SPATA6: variants seen among roughly 807,000 people sequenced by gnomAD.
SPATA6 encodes the protein spermatogenesis associated 6.
In SPATA6, 56 loss-of-function variants were observed where a neutral mutation model predicts 65.3. That is an observed-to-expected ratio of 0.86 (90% CI 0.69 to 1.07). The LOEUF is 1.07. Among genes scored for constraint, SPATA6 ranks in the 50% least tolerant of loss-of-function variants. The pLI, the probability that SPATA6 is intolerant of heterozygous loss-of-function variation, is 0.00. For synonymous variants in SPATA6, 199 were observed against 213.2 expected, an observed-to-expected ratio of 0.93 and a Z score of 0.58; for missense variants, 590 against 594.8, an observed-to-expected ratio of 0.99 and a Z score of 0.08.
rs372874783 is a variant in SPATA6 at position 48,304,864 on chromosome 1, A to G, written c.1286+923T>C. ...GGGATGCTAATCCATGTAACAATTT[A>G]GGGAATATGCCTTTAATGAAAAATA... On this transcript the variant is annotated intron_variant, in intron 12 of 12. Transcript: ENST00000371847. Among the ~76,000 whole-genome samples, 11 of 152,356 alleles carry G rather than the reference A, an allele frequency of 7.2e-5. No individual in the cohort carries two copies. The South Asian group carries it at 1.4e-3, about 20-fold the overall frequency.
intron 11 of SPATA6, among the ~76,000 whole-genome samples, chr1:48,314,187 A>G (rs139797295): frequency 0.027 from 4,141 of 152,276 alleles, 111 homozygotes; most frequent in African/African-American, 0.07. Flanking sequence ...TGCACCAAGC[A>G]GACCTAATAG....
the SPATA6 span, among the ~76,000 whole-genome samples, chr1:48,273,051 C>G: frequency 5.6e-3 from 853 of 152,100 alleles, 12 homozygotes; most frequent in African/African-American, 0.019. Flanking sequence ...AATCTTTTTT[C>G]CTCATTCCGA....
chr1:48,312,322 G>T (rs1210277221), intron 11 of SPATA6, among the ~76,000 whole-genome samples: 4 of 151,868 alleles, frequency 2.6e-5, no homozygotes, highest in Non-Finnish European at 4.4e-5. Flanking sequence ...CCCCCAGTAG[G>T]GGCAGACTGA....
chr1:48,283,037 C>G, the SPATA6 span, among the ~76,000 whole-genome samples: 1 of 151,852 alleles, frequency 6.6e-6, no homozygotes, highest in African/African-American at 2.4e-5. Flanking sequence ...TTTGTAGGGA[C>G]GTGGGTGAAA....
At chr1:48,302,017 A>G (rs1157006237) in intron 12 of SPATA6, among the ~76,000 whole-genome samples, 1 of 152,170 alleles carries the variant, frequency 6.6e-6, no homozygotes. Flanking sequence ...TTTTTCATGT[A>G]TATGGGTCAT....
the SPATA6 span, among the ~76,000 whole-genome samples, chr1:48,273,348 A>T: frequency 4.6e-4 from 70 of 151,830 alleles, 1 homozygote; most frequent in East Asian, 0.013. Flanking sequence ...GCCAAACATC[A>T]TTTTTTTTAT....
intron 3 of SPATA6, among the ~76,000 whole-genome samples, chr1:48,445,980 T>C (rs1020038626): frequency 1.3e-5 from 2 of 152,102 alleles, no homozygotes; most frequent in African/African-American, 4.8e-5. Context: ...AATAAATACA[T>C]CACGCTAGGT....
At chr1:48,343,413 GATGA>G (rs1195085791) in intron 11 of SPATA6, among the ~76,000 whole-genome samples, 3 of 152,108 alleles carry the variant, frequency 2.0e-5, no homozygotes, top group African/African-American at 7.2e-5. Context: ...AAAATGAAGG[GATGA>G]ATGAACAATG....
intron 3 of SPATA6, among the ~76,000 whole-genome samples, chr1:48,433,212 A>G (rs528680627): frequency 2.3e-4 from 35 of 152,240 alleles, no homozygotes; most frequent in Middle Eastern, 3.4e-3. Context: ...GCATGGTGGT[A>G]ATGGGTGCAC....
chr1:48,300,378 A>G (rs1239593511), intron 12 of SPATA6, among the ~76,000 whole-genome samples: 1 of 152,186 alleles, frequency 6.6e-6, no homozygotes, highest in Non-Finnish European at 1.5e-5. Flanking sequence ...ACTATGAACA[A>G]ATACAAAACC....
chr1:48,369,196 G>A (rs1300185552), intron 9 of SPATA6, among the ~76,000 whole-genome samples: 2 of 152,182 alleles, frequency 1.3e-5, no homozygotes, highest in Non-Finnish European at 2.9e-5. Flanking sequence ...GTGTCAGTCT[G>A]CCCCTACTGG....
At chr1:48,448,260 C>CAAA (rs56675907) in intron 3 of SPATA6, among the ~76,000 whole-genome samples, 7 of 119,734 alleles carry the variant, frequency 5.8e-5, no homozygotes, top group African/African-American at 1.7e-4. Context: ...GATCCTGTCT[C>CAAA]AAAAAAAAAA....
intron 12 of SPATA6, among the ~76,000 whole-genome samples, chr1:48,304,160 C>T (rs569240769): frequency 1.6e-4 from 25 of 152,298 alleles, no homozygotes; most frequent in Admixed American, 7.8e-4. Context: ...ATATCCTAAT[C>T]ATTTCAATAG....
In SPATA6 at chr1:48,366,866, C is replaced by T. The variant is rs184643944; in HGVS notation, c.910-7096G>A. On this transcript the variant is annotated intron_variant, in intron 9 of 12. Transcript: ENST00000371847. Reference sequence around the variant, plus strand: ...TTGAATGTGTTTGCTCTTGCTTTTCCAGTTCTTTTAATTGTGATGTTAGGG... The same window carrying T: ...TTGAATGTGTTTGCTCTTGCTTTTCTAGTTCTTTTAATTGTGATGTTAGGG... Among the ~76,000 whole-genome samples, 837 of 151,938 alleles carry T rather than the reference C, an allele frequency of 5.5e-3. 20 individuals carry two copies. Among genetic ancestry groups the T allele is most frequent in the South Asian group, 0.051 (243 of 4,802 alleles).
At chr1:48,436,796 T>C in intron 3 of SPATA6, 2 of 1,614,170 alleles carry the variant, frequency 1.2e-6, no homozygotes, top group South Asian at 2.2e-5. Flanking sequence ...ACTCAGATGC[T>C]GTTACAGAAA....
intron 12 of SPATA6, among the ~76,000 whole-genome samples, chr1:48,301,797 A>C (rs966983225): frequency 2.0e-5 from 3 of 152,188 alleles, no homozygotes; most frequent in African/African-American, 4.8e-5. Flanking sequence ...TCTTTTCAAT[A>C]AATGGTACTG....
the SPATA6 span, among the ~76,000 whole-genome samples, chr1:48,265,900 G>A: frequency 1.3e-5 from 2 of 152,156 alleles, no homozygotes; most frequent in Admixed American, 6.5e-5. Flanking sequence ...TATTAGATAT[G>A]TCTCAGATAT....
intron 8 of SPATA6, among the ~76,000 whole-genome samples, chr1:48,391,143 T>C (rs1158110650): frequency 2.7e-5 from 4 of 146,736 alleles, no homozygotes; most frequent in African/African-American, 1.0e-4. Flanking sequence ...GACAGGAGGA[T>C]CTCCTGAGTT....
At chr1:48,314,781 T>A (rs1645351967) in intron 11 of SPATA6, among the ~76,000 whole-genome samples, 1 of 151,622 alleles carries the variant, frequency 6.6e-6, no homozygotes, top group South Asian at 2.1e-4. Context: ...TCAACAAAAT[T>A]GATAGACCGC....
Sources: gnomAD v4.1 joint callset for allele counts (sites outside exome capture counted in the v4.1 genomes callset) on GRCh38, gnomAD v4.1.1 for gene constraint, MANE v1.5 for transcripts, NCBI Gene and HGNC (gene_info 2026-07-23, HGNC 2026-07-21) for gene names.